The following GALNT15 variants were observed in gnomAD, a reference collection of about 807,000 sequenced individuals.
The protein encoded by GALNT15 is polypeptide N-acetylgalactosaminyltransferase 15.
In GALNT15, 67 loss-of-function variants were observed where a neutral mutation model predicts 66.8. That is an observed-to-expected ratio of 1.00 (90% CI 0.82 to 1.23). The LOEUF is 1.23. Among genes scored for constraint, GALNT15 ranks in the 50% most tolerant of loss-of-function variants. The probability of loss-of-function intolerance (pLI) is 0.00; values close to 1 mark genes in which losing one functional copy is unlikely to be tolerated. For missense variants in GALNT15, 827 were observed against 804.3 expected (o/e 1.03, Z -0.34); for synonymous variants, 313 against 311.5 (o/e 1.00, Z -0.05).
At position 16,228,546 on chromosome 3, in the gene GALNT15, C is replaced by T; in HGVS notation, c.*1046C>T. 1.5e-6 allele frequency: 1 copy of T among 689,492 alleles called. No homozygotes were observed. Among genetic ancestry groups the T allele is most frequent in the African/African-American group, 2.0e-5 (1 of 50,828 alleles). The allele number at this position is 689,492 out of a possible 1,614,324, so 42.7% of individuals were successfully genotyped here. On this transcript the variant is annotated 3_prime_UTR_variant, in exon 10 of 10. Transcript: ENST00000339732. ...ATCCCAGCTACTTGGGAGGCTGAGG[C>T]AAGAGAATCGCTTGAACCCAGGAGG... is the stretch of plus-strand genomic sequence containing the variant.
At chr3:16,240,653 C>T in the GALNT15 span, among the ~76,000 whole-genome samples, 2 of 152,258 alleles carry the variant, frequency 1.3e-5, no homozygotes, top group South Asian at 4.1e-4. Flanking sequence ...AAGTAATAAT[C>T]CACCTATGTT....
At chr3:16,230,586 AAAG>A (rs1435138751), downstream of GALNT15, among the ~76,000 whole-genome samples, 4 of 147,142 alleles carry the variant, frequency 2.7e-5, no homozygotes, top group African/African-American at 2.5e-5. The surrounding 1 kb of genome is among the most constrained non-coding windows in gnomAD (Gnocchi z 4.5). Context: ...ATTCAAAAAA[AAAG>A]AAAAGAAAAA....
At chr3:16,196,951 G>T (rs1046656897) in intron 2 of GALNT15, among the ~76,000 whole-genome samples, 1 of 152,202 alleles carries the variant, frequency 6.6e-6, no homozygotes, top group Non-Finnish European at 1.5e-5. Context: ...CTCACTCCAG[G>T]GATGGGCCTA....
At chr3:16,236,744 A>G (rs2064127600), downstream of GALNT15, among the ~76,000 whole-genome samples, 1 of 152,254 alleles carries the variant, frequency 6.6e-6, no homozygotes, top group African/African-American at 2.4e-5. Context: ...GAATAAGCAA[A>G]TTATTTTTAA....
intron 1 of GALNT15, among the ~76,000 whole-genome samples, chr3:16,192,082 T>C (rs934136850): frequency 6.6e-6 from 1 of 152,194 alleles, no homozygotes; most frequent in African/African-American, 2.4e-5. Flanking sequence ...CTATAAATAT[T>C]GAGTGAATTA....
chr3:16,228,892 T>C lies in GALNT15; in HGVS notation c.*1392T>C. On this transcript the variant is annotated 3_prime_UTR_variant, in exon 10 of 10. Transcript: ENST00000339732. ...TCCACAGGTTGAATGTCCATGAGTG[T>C]GGGAAGAACACGGCTCATCTGGAGC... 1.0e-6 allele frequency: 1 copy of C among 985,432 alleles called. No individual in the cohort carries two copies. Among genetic ancestry groups the C allele is most frequent in the South Asian group, 4.7e-5 (1 of 21,278 alleles). The allele number at this position is 985,432 out of a possible 1,614,324, so 61.0% of individuals were successfully genotyped here.
chr3:16,194,745 C>T (rs146893587), intron 1 of GALNT15, among the ~76,000 whole-genome samples: 188 of 152,286 alleles, frequency 1.2e-3, no homozygotes, highest in Admixed American at 2.2e-3. Flanking sequence ...AAACCAAACA[C>T]CGCATGTTCT....
rs1384532995 is a variant in GALNT15 at position 16,181,296 on chromosome 3, G to C, written c.539+5606G>C. Among the ~76,000 whole-genome samples the C allele has an allele frequency of 6.6e-6, 1 of 152,124 alleles. No individual in the cohort carries two copies. The highest frequency in any genetic ancestry group is 1.5e-5 in the Non-Finnish European group (1 of 68,038). On this transcript the variant is annotated intron_variant, in intron 1 of 9. Transcript: ENST00000339732. This position sits in a 1 kb window ranked among gnomAD's most constrained non-coding sequence, Gnocchi z 5.9. ...TTTCTATTTAGTTGGTCTGGGGTGA[G>C]GCCTGGGCACCAAGAGCTTAAAACT...
intron 3 of GALNT15, among the ~76,000 whole-genome samples, chr3:16,202,526 G>C (rs1326707239): frequency 6.6e-6 from 1 of 152,180 alleles, no homozygotes; most frequent in Middle Eastern, 3.2e-3. Flanking sequence ...CCAGCTACTC[G>C]GGAGGCTGAG....
chr3:16,176,631 C>T lies in GALNT15; in HGVS notation c.539+941C>T, dbSNP rs896491290. ...CTCCCTTACTGTCACCATGGCTGAC[C>T]ACTGAGGAGGGAGCCTTGGTTACCA... is the stretch of plus-strand genomic sequence containing the variant. On this transcript the variant is annotated intron_variant, in intron 1 of 9. Transcript: ENST00000339732. This position sits in a 1 kb window ranked among gnomAD's most constrained non-coding sequence, Gnocchi z 5.6. Among the ~76,000 whole-genome samples the T allele has an allele frequency of 6.6e-6, 1 of 152,196 alleles. No homozygotes were observed. Among genetic ancestry groups the T allele is most frequent in the Non-Finnish European group, 1.5e-5 (1 of 68,030 alleles).
In GALNT15 at chr3:16,203,541, TCTCACACA is replaced by T. The variant is rs1283147166; in HGVS notation, c.911+2720_911+2727del. 0.015 allele frequency among the ~76,000 whole-genome samples: 875 copies of T among 58,484 alleles called. 3 individuals are homozygous for T. The highest frequency in any genetic ancestry group is 0.024 in the Non-Finnish European group (602 of 24,938). The allele number at this position is 58,484 out of a possible 152,430, so 38.4% of individuals were successfully genotyped here. On this transcript the variant is annotated intron_variant, in intron 3 of 9. Transcript: ENST00000339732. The surrounding 1 kb of genome is among the most constrained non-coding windows in gnomAD (Gnocchi z 6.2). ...CTCATTCTCTCTCTCTCTCTCTCTCTCTCACACACACACACACACACACACACACACAC... is the reference window on the plus strand; with the variant it reads ...CTCATTCTCTCTCTCTCTCTCTCTCTCACACACACACACACACACACACAC...
rs2063596245 is a variant in GALNT15 at position 16,193,090 on chromosome 3, C to CT, written c.540-2668dup. Among the ~76,000 whole-genome samples the CT allele has an allele frequency of 6.6e-6, 1 of 152,080 alleles. No individual in the cohort carries two copies. The highest frequency in any genetic ancestry group is 2.4e-5 in the African/African-American group (1 of 41,420). ...TAGGAACTCTCAGTTTCTTGTCAGT[C>CT]TTAAACGATTTCAAAATAAAAAGTG... On this transcript the variant is annotated intron_variant, in intron 1 of 9. Transcript: ENST00000339732. The surrounding 1 kb of genome is among the most constrained non-coding windows in gnomAD (Gnocchi z 4.7).
intron 9 of GALNT15, 73 bp downstream of exon 9, chr3:16,222,831 G>A: frequency 6.4e-7 from 1 of 1,551,496 alleles, no homozygotes; most frequent in Non-Finnish European, 8.8e-7. Flanking sequence ...ATTGGATCCT[G>A]GGCTCTTCCA....
Position 16,178,946 on chromosome 3 carries a change from C to G in GALNT15, c.539+3256C>G, listed in dbSNP as rs981603214. Among the ~76,000 whole-genome samples, 5 of 152,190 alleles carry G rather than the reference C, an allele frequency of 3.3e-5. No individual in the cohort carries two copies. The South Asian group carries it at 8.3e-4, about 25-fold the overall frequency. On this transcript the variant is annotated intron_variant, in intron 1 of 9. Transcript: ENST00000339732. Reference sequence around the variant, plus strand: ...AGCCCCTCTGGCCCAGTTCCTACACCCAAATGCCCAAACTAGCTCTGCCTG... The same window carrying G: ...AGCCCCTCTGGCCCAGTTCCTACACGCAAATGCCCAAACTAGCTCTGCCTG...
At chr3:16,177,360 T>C (rs990459023) in intron 1 of GALNT15, among the ~76,000 whole-genome samples, 3 of 152,226 alleles carry the variant, frequency 2.0e-5, no homozygotes, top group African/African-American at 7.2e-5. Flanking sequence ...TGACTGTGTG[T>C]TTGCATAGTG....
chr3:16,184,023 C>T lies in GALNT15; in HGVS notation c.539+8333C>T, dbSNP rs2063494915. 6.6e-6 allele frequency among the ~76,000 whole-genome samples: 1 copy of T among 152,166 alleles called. No individual in the cohort carries two copies. The highest frequency in any genetic ancestry group is 1.5e-5 in the Non-Finnish European group (1 of 68,040). On this transcript the variant is annotated intron_variant, in intron 1 of 9. Coordinates refer to ENST00000339732, the MANE Select transcript of GALNT15 (RefSeq NM_054110.5). This position sits in a 1 kb window ranked among gnomAD's most constrained non-coding sequence, Gnocchi z 5.0. ...TCTCTTAGGCTAAGATTATCCCTTT[C>T]AATCCAGGACACACCCCTGGGCTGG...
chr3:16,211,316 A>C lies in GALNT15; in HGVS notation c.1197+75A>C. Reference sequence around the variant, plus strand: ...GTATGGTCACAGCTCAGAGGCAGGCATTAGAAATGTCACTGGGAAGGAATG... The same window carrying C: ...GTATGGTCACAGCTCAGAGGCAGGCCTTAGAAATGTCACTGGGAAGGAATG... On this transcript the variant is annotated intron_variant, in intron 5 of 9. Transcript: ENST00000339732. This position sits in a 1 kb window ranked among gnomAD's most constrained non-coding sequence, Gnocchi z 4.3. The C allele has an allele frequency of 2.2e-6, 2 of 924,538 alleles. No individual in the cohort carries two copies. Among genetic ancestry groups the C allele is most frequent in the Admixed American group, 3.6e-5 (2 of 56,118 alleles). The allele number at this position is 924,538 out of a possible 1,614,324, so 57.3% of individuals were successfully genotyped here.
chr3:16,212,204 T>C (rs1454412029), intron 5 of GALNT15, among the ~76,000 whole-genome samples: 1 of 151,958 alleles, frequency 6.6e-6, no homozygotes, highest in Non-Finnish European at 1.5e-5. Flanking sequence ...CCCGGACCAC[T>C]GAGATCATCT....
Position 16,212,682 on chromosome 3 carries a change from G to C in GALNT15, c.1311G>C (p.Arg437Ser), listed in dbSNP as rs1316950675. The change falls in exon 6 of 10, where the codon AGG (arginine) becomes AGC (serine). Residue 437 changes from arginine (R) to serine (S), a missense_variant. By Grantham distance (110) the Arg-to-Ser change is moderately radical. Transcript: ENST00000339732. Reference sequence around the variant, plus strand: ...ACCAGGAGGCCACCCTGAGGAACAGGGTTCGCATTGCTGAGACCTGGCTGG... The same window carrying C: ...ACCAGGAGGCCACCCTGAGGAACAGCGTTCGCATTGCTGAGACCTGGCTGG... ...PLDQEATLRN[R>S]VRIAETWLGS... is the part of the protein sequence containing the mutation. The C allele has an allele frequency of 6.2e-7, 1 of 1,613,928 alleles. No individual in the cohort carries two copies. Among genetic ancestry groups the C allele is most frequent in the Non-Finnish European group, 8.5e-7 (1 of 1,180,030 alleles).
Sources: allele counts gnomAD v4.1 joint callset (sites outside exome capture counted in the v4.1 genomes callset), GRCh38; gene constraint gnomAD v4.1.1; non-coding constraint Gnocchi (gnomAD v3.1); transcripts MANE v1.5; gene names NCBI Gene and HGNC (gene_info 2026-07-23, HGNC 2026-07-21).